Variants in UGGT2 observed in about 807,000 individuals in gnomAD.
UGGT2 encodes UDP-glucose glycoprotein glucosyltransferase 2, also known as UDP-glucose:glycoprotein glucosyltransferase 2.
A neutral mutation model predicts 192.1 loss-of-function variants in UGGT2; 180 were observed. The ratio of observed to expected loss-of-function variants is 0.94; its 90% CI spans 0.83 to 1.06. The LOEUF (loss-of-function observed/expected upper bound fraction) is 1.06, where lower values mean the gene tolerates loss of function less well. Ranked by LOEUF, UGGT2 falls within the 50% of genes least tolerant of loss-of-function variation. UGGT2 has a pLI of 0.00. For synonymous variants in UGGT2, 580 were observed against 591.0 expected (o/e 0.98, Z 0.27); for missense variants, 1,849 against 1,795.7 (o/e 1.03, Z -0.54).
rs2050731233 is a variant in UGGT2, at chr13:95,970,275, A to C, written c.1185-13T>G. ...CATATCCAAAATACTATATATTCAA[A>C]GAAAAAACAGTTTTATTTTGATTTT... On this transcript the variant is annotated splice_polypyrimidine_tract_variant and intron_variant, in intron 11 of 38. Transcript: ENST00000376747. 6 of 1,577,274 alleles carry C rather than the reference A, an allele frequency of 3.8e-6. No homozygotes were observed. In the East Asian group the frequency reaches 1.3e-4, roughly 35 times the overall value.
chr13:95,931,348 A>G (rs2049257393), intron 17 of UGGT2, among the ~76,000 whole-genome samples: 1 of 152,150 alleles, frequency 6.6e-6, no homozygotes, highest in African/African-American at 2.4e-5. Flanking sequence ...CCAAGTCCCC[A>G]CTAGACTCTG....
intron 5 of UGGT2, among the ~76,000 whole-genome samples, chr13:96,001,489 T>TA (rs2051803266): frequency 6.6e-6 from 1 of 152,122 alleles, no homozygotes; most frequent in African/African-American, 2.4e-5. Flanking sequence ...CCAGGTGAAA[T>TA]AAACAGCCTT....
intron 36 of UGGT2, among the ~76,000 whole-genome samples, chr13:95,845,598 C>G (rs998477499): frequency 6.6e-6 from 1 of 151,492 alleles, no homozygotes; most frequent in African/African-American, 2.4e-5. Context: ...ACAATCTGAT[C>G]TCTCTTTCTT....
At chr13:95,884,246 T>A (rs2047580396) in intron 27 of UGGT2, among the ~76,000 whole-genome samples, 1 of 151,838 alleles carries the variant, frequency 6.6e-6, no homozygotes, top group Non-Finnish European at 1.5e-5. Flanking sequence ...AAGCTAGTAG[T>A]CTCAGGCAAA....
chr13:96,030,955 C>T (rs1008231801), intron 2 of UGGT2, among the ~76,000 whole-genome samples: 10 of 152,206 alleles, frequency 6.6e-5, no homozygotes, highest in African/African-American at 2.4e-4. Context: ...AAGTATTCTG[C>T]CAATAAAAAT....
chr13:95,968,019 T>C (rs1468516214), intron 12 of UGGT2, among the ~76,000 whole-genome samples: 3 of 152,190 alleles, frequency 2.0e-5, no homozygotes, highest in Non-Finnish European at 2.9e-5. Context: ...GTTTCAGTTA[T>C]ACAATCTTGT....
chr13:95,824,770 TATTTCAAAG>T (rs1365386615), intron 38 of UGGT2, among the ~76,000 whole-genome samples: 1 of 152,140 alleles, frequency 6.6e-6, no homozygotes, highest in Non-Finnish European at 1.5e-5. Context: ...CTTTATCTGG[TATTTCAAAG>T]ATTACATCTT....
At chr13:95,952,717 T>A (rs909013857) in intron 12 of UGGT2, among the ~76,000 whole-genome samples, 2 of 152,148 alleles carry the variant, frequency 1.3e-5, no homozygotes, top group African/African-American at 4.8e-5. Context: ...TTCCCTTCTA[T>A]GAAGATAATA....
At chr13:95,820,237 T>C (rs986859262) in intron 38 of UGGT2, among the ~76,000 whole-genome samples, 2 of 152,162 alleles carry the variant, frequency 1.3e-5, no homozygotes, top group Non-Finnish European at 2.9e-5. Flanking sequence ...ATATCCAATA[T>C]AAATCTTTTT....
At chr13:95,847,278 G>T (rs1888568178) in intron 36 of UGGT2, among the ~76,000 whole-genome samples, 1 of 152,010 alleles carries the variant, frequency 6.6e-6, no homozygotes, top group African/African-American at 2.4e-5. Context: ...TGATATGTTT[G>T]TTGCAATACA....
intron 16 of UGGT2, among the ~76,000 whole-genome samples, chr13:95,937,360 C>CA (rs1219023165): frequency 2.0e-5 from 3 of 152,156 alleles, no homozygotes; most frequent in Non-Finnish European, 4.4e-5. Flanking sequence ...CGTTACAGCA[C>CA]AAAAGCAGTC....
intron 26 of UGGT2, chr13:95,887,392 C>T: frequency 2.2e-6 from 1 of 459,024 alleles, no homozygotes; most frequent in South Asian, 1.6e-5. Flanking sequence ...TTTTTGTCCC[C>T]TCTTGAGAGA....
chr13:96,021,544 T>A (rs1298586367), intron 4 of UGGT2, among the ~76,000 whole-genome samples: 1 of 152,124 alleles, frequency 6.6e-6, no homozygotes, highest in Non-Finnish European at 1.5e-5. Flanking sequence ...ATTAAAGATG[T>A]CAAATAATTT....
chr13:95,877,514 A>C (rs1437311371), intron 28 of UGGT2, 150 bp from the exon 29 acceptor site: 1 of 971,858 alleles, frequency 1.0e-6, no homozygotes, highest in Non-Finnish European at 1.5e-6. Flanking sequence ...ATTTTACAAT[A>C]ACCTGTCAAA....
At chr13:95,958,025 C>A (rs2050264305) in intron 12 of UGGT2, among the ~76,000 whole-genome samples, 1 of 152,140 alleles carries the variant, frequency 6.6e-6, no homozygotes, top group Non-Finnish European at 1.5e-5. Context: ...CAAGTCACTT[C>A]GTGTTCTAGA....
intron 26 of UGGT2, among the ~76,000 whole-genome samples, chr13:95,886,366 T>C (rs78264048): frequency 2.2e-3 from 332 of 152,326 alleles, no homozygotes; most frequent in Non-Finnish European, 3.6e-3. Flanking sequence ...AATAACTGTA[T>C]ACTCTAGTAC....
chr13:95,937,472 A>G (rs1190082899), intron 16 of UGGT2, among the ~76,000 whole-genome samples: 1 of 152,180 alleles, frequency 6.6e-6, no homozygotes, highest in Non-Finnish European at 1.5e-5. Context: ...GTATGACATT[A>G]ACTTAATAAA....
chr13:95,854,528 T>TCAAA, intron 34 of UGGT2, 53 bp from the exon 35 acceptor site: 2 of 1,421,882 alleles, frequency 1.4e-6, no homozygotes, highest in Admixed American at 5.2e-5. Context: ...ACATAAGCCC[T>TCAAA]TTTTTATGGG....
rs765943232 is a variant in UGGT2 at position 95,894,657 on chromosome 13, G to C, written c.2760C>G (p.Asn920Lys). 3.7e-6 allele frequency: 6 copies of C among 1,610,160 alleles called. No individual in the cohort carries two copies. The African/African-American group carries it at 8.0e-5, about 22-fold the overall frequency. Reference sequence around the variant, plus strand: ...CAACTTTCATAATAAAGTCACTCATGCTAGATAAACAAGACAAACAGTGTA... The same window carrying C: ...CAACTTTCATAATAAAGTCACTCATCCTAGATAAACAAGACAAACAGTGTA... Reference protein sequence around the residue: ...IVENMGINANNMSDFIMKVDA... With the variant: ...IVENMGINANKMSDFIMKVDA... Residue 920 changes from asparagine (N) to lysine (K), a missense_variant and splice_region_variant, in exon 24 of 39, where the codon AAC becomes AAG. Transcript: ENST00000376747.
Sources: gnomAD v4.1 joint callset for allele counts (sites outside exome capture counted in the v4.1 genomes callset) on GRCh38, gnomAD v4.1.1 for gene constraint, MANE v1.5 for transcripts, NCBI Gene and HGNC (gene_info 2026-07-23, HGNC 2026-07-21) for gene names.